Variants in DPH6 observed in about 807,000 individuals in gnomAD.
The protein encoded by DPH6 is diphthine--ammonia ligase.
DPH6 carries 33 observed loss-of-function variants against 38.2 expected under a neutral mutation model. The observed-to-expected ratio is 0.86, with a 90% CI of 0.65 to 1.15. The LOEUF is 1.15. Among genes scored for constraint, DPH6 ranks in the 50% most tolerant of loss-of-function variants. DPH6 has a pLI of 0.00. For synonymous variants in DPH6, 108 were observed against 103.0 expected (o/e 1.05, Z -0.30); for missense variants, 325 against 320.0 (o/e 1.02, Z -0.12).
At chr15:35,378,651 A>G (rs2052815836) in intron 7 of DPH6, among the ~76,000 whole-genome samples, 3 of 152,228 alleles carry the variant, frequency 2.0e-5, no homozygotes. Context: ...CAGCCAGAAA[A>G]AAGGATGAGT....
intron 6 of DPH6, among the ~76,000 whole-genome samples, chr15:35,408,205 A>G (rs1190146548): frequency 6.6e-6 from 1 of 151,972 alleles, no homozygotes; most frequent in African/African-American, 2.4e-5. Context: ...AAGAATTTGG[A>G]TTTTTGCCTG....
chr15:35,330,063 A>G (rs1293765843), downstream of DPH6, among the ~76,000 whole-genome samples: 1 of 152,168 alleles, frequency 6.6e-6, no homozygotes, highest in Non-Finnish European at 1.5e-5. Context: ...TACACTAAAC[A>G]CTATGTTTTA....
At position 35,371,478 on chromosome 15, in the gene DPH6, G is replaced by T; in HGVS notation, c.*672C>A. The T allele has an allele frequency of 1.5e-6, 1 of 689,396 alleles. No homozygotes were observed. The highest frequency in any genetic ancestry group is 1.8e-6 in the Non-Finnish European group (1 of 560,238). 42.7% of individuals were successfully genotyped at this position (689,396 alleles called of 1,614,324 possible). On this transcript the variant is annotated 3_prime_UTR_variant, in exon 9 of 9. Transcript: ENST00000256538. The stretch of plus-strand genomic sequence containing the variant: ...GGTAGAGGGTATATGGGAAATCTCT[G>T]CATTTTCTGCTCCATTTTTGCTGTG...
At chr15:35,437,057 T>G (rs943623306) in intron 5 of DPH6, among the ~76,000 whole-genome samples, 7 of 152,070 alleles carry the variant, frequency 4.6e-5, no homozygotes, top group Admixed American at 2.0e-4. Context: ...GCACCCATGT[T>G]TACATGGGTG....
At chr15:35,168,502 G>A in the DPH6 span, among the ~76,000 whole-genome samples, 279 of 152,008 alleles carry the variant, frequency 1.8e-3, no homozygotes, top group African/African-American at 6.5e-3. Context: ...AGTTTTTACT[G>A]ATGATAATGA....
intron 3 of DPH6, among the ~76,000 whole-genome samples, chr15:35,478,397 AC>A (rs2054287624): frequency 6.6e-6 from 1 of 151,102 alleles, no homozygotes; most frequent in Non-Finnish European, 1.5e-5. Flanking sequence ...ACACACACAC[AC>A]ACACACAAAG....
chr15:35,423,943 C>A (rs2053537273), intron 5 of DPH6, among the ~76,000 whole-genome samples: 1 of 151,552 alleles, frequency 6.6e-6, no homozygotes, highest in East Asian at 1.9e-4. Context: ...TGTTTTTATG[C>A]CAGTGCCATT....
intron 3 of DPH6, among the ~76,000 whole-genome samples, chr15:35,282,408 G>C (rs2051905079): frequency 6.6e-6 from 1 of 152,076 alleles, no homozygotes; most frequent in Admixed American, 6.6e-5. Context: ...TGAACTCCTG[G>C]CCTCAAGCGA....
intron 3 of DPH6, among the ~76,000 whole-genome samples, chr15:35,293,749 G>A (rs1025923176): frequency 6.6e-6 from 1 of 152,194 alleles, no homozygotes; most frequent in Non-Finnish European, 1.5e-5. Flanking sequence ...CACTGTAAAC[G>A]CACAGAGGTG....
chr15:35,412,234 T>C (rs1440673649), intron 5 of DPH6, among the ~76,000 whole-genome samples: 1 of 151,672 alleles, frequency 6.6e-6, no homozygotes, highest in Non-Finnish European at 1.5e-5. Context: ...TATAAGCATA[T>C]GAAAAGATCC....
At chr15:35,352,039 A>G (rs1008163947) in intron 3 of DPH6, among the ~76,000 whole-genome samples, 4 of 152,034 alleles carry the variant, frequency 2.6e-5, no homozygotes, top group East Asian at 3.9e-4. Flanking sequence ...TTCTTTCTAT[A>G]TTATGTTTAA....
chr15:35,213,841 G>C (rs147688963), downstream of DPH6, among the ~76,000 whole-genome samples: 1 of 152,184 alleles, frequency 6.6e-6, no homozygotes, highest in Admixed American at 6.5e-5. Flanking sequence ...GGCCGGGCGC[G>C]GTGGCTCACG....
intron 3 of DPH6, among the ~76,000 whole-genome samples, chr15:35,487,520 C>A (rs1347259153): frequency 6.6e-6 from 1 of 152,204 alleles, no homozygotes; most frequent in Non-Finnish European, 1.5e-5. Flanking sequence ...GTACCTTGGC[C>A]CCTTTTAGCC....
chr15:35,278,168 A>C (rs1017277892), intron 3 of DPH6, among the ~76,000 whole-genome samples: 1 of 152,188 alleles, frequency 6.6e-6, no homozygotes, highest in African/African-American at 2.4e-5. Flanking sequence ...GCCTCGGATG[A>C]AAGAATGATT....
chr15:35,226,444 A>G (rs574799202), intron 3 of DPH6, among the ~76,000 whole-genome samples: 1 of 152,094 alleles, frequency 6.6e-6, no homozygotes, highest in Non-Finnish European at 1.5e-5. Flanking sequence ...TAAAAAAAAT[A>G]GGTAAAGAAA....
chr15:35,214,927 C>T (rs1217761194), downstream of DPH6, among the ~76,000 whole-genome samples: 3 of 152,090 alleles, frequency 2.0e-5, no homozygotes, highest in South Asian at 2.1e-4. Context: ...ACTTCTTAAT[C>T]GGTCCATCTG....
At chr15:35,406,424 A>G (rs2053294469) in intron 6 of DPH6, among the ~76,000 whole-genome samples, 1 of 149,992 alleles carries the variant, frequency 6.7e-6, no homozygotes, top group South Asian at 2.1e-4. Flanking sequence ...GGAAAGTGTA[A>G]TATGATATGA....
At chr15:35,255,785 G>A (rs994256263) in intron 3 of DPH6, among the ~76,000 whole-genome samples, 2 of 151,440 alleles carry the variant, frequency 1.3e-5, no homozygotes, top group African/African-American at 4.8e-5. Context: ...TTGGAGGGGA[G>A]CAGTTACTCC....
At chr15:35,408,510 A>T (rs919442096) in intron 6 of DPH6, among the ~76,000 whole-genome samples, 1 of 152,008 alleles carries the variant, frequency 6.6e-6, no homozygotes. Flanking sequence ...AATATGGACC[A>T]GAAAGACTTG....
Sources: gnomAD v4.1 joint callset for allele counts (sites outside exome capture counted in the v4.1 genomes callset) on GRCh38, gnomAD v4.1.1 for gene constraint, MANE v1.5 for transcripts, NCBI Gene and HGNC (gene_info 2026-07-23, HGNC 2026-07-21) for gene names.